The following TASOR variants were observed in gnomAD, a reference collection of about 807,000 sequenced individuals.
TASOR encodes the protein protein TASOR.
A neutral mutation model predicts 178.6 loss-of-function variants in TASOR; 53 were observed. The observed-to-expected ratio is 0.30, with a 90% CI of 0.24 to 0.37. The LOEUF is 0.37. Ranked by LOEUF, TASOR falls within the 10% of genes least tolerant of loss-of-function variation. TASOR has a pLI of 1.00. For synonymous variants in TASOR, 713 were observed against 696.2 expected, an observed-to-expected ratio of 1.02 and a Z score of -0.38; for missense variants, 1,815 against 1,971.4, an observed-to-expected ratio of 0.92 and a Z score of 1.50.
At chr3:56,628,666 C>T (rs190692780) in intron 18 of TASOR, 52 bp from the exon 19 acceptor site, 3 of 1,216,094 alleles carry the variant, frequency 2.5e-6, no homozygotes, top group Non-Finnish European at 3.5e-6. Flanking sequence ...TTGTAAACAT[C>T]AATTTAACAC....
chr3:56,643,682 G>A (rs2077174804), intron 14 of TASOR, among the ~76,000 whole-genome samples: 2 of 151,742 alleles, frequency 1.3e-5, no homozygotes, highest in South Asian at 4.2e-4. Flanking sequence ...GAGAACCAGG[G>A]AGGCGGAGCT....
intron 1 of TASOR, among the ~76,000 whole-genome samples, chr3:56,680,715 A>G (rs1349277416): frequency 1.3e-5 from 2 of 152,140 alleles, no homozygotes; most frequent in Non-Finnish European, 2.9e-5. Context: ...CTATTTTACT[A>G]TTTGAACAGC....
intron 1 of TASOR, among the ~76,000 whole-genome samples, chr3:56,677,033 T>C (rs1046121478): frequency 1.3e-5 from 2 of 152,348 alleles, no homozygotes; most frequent in Non-Finnish European, 2.9e-5. Context: ...AATAAAATTA[T>C]CCTGCAACTA....
At chr3:56,642,494 T>C (rs2077145377) in intron 14 of TASOR, among the ~76,000 whole-genome samples, 1 of 152,176 alleles carries the variant, frequency 6.6e-6, no homozygotes. Context: ...AAGCCTGAGT[T>C]AGGATTTCAA....
chr3:56,623,142 A>G lies in TASOR; in HGVS notation c.4908T>C (p.Asn1636=). Residue 1636 remains asparagine (N), a synonymous_variant, in exon 24 of 24, where the codon AAT becomes AAC. Coordinates refer to ENST00000683822, the MANE Select transcript of TASOR (RefSeq NM_001365635.2). ...TTTCAGTATAAGCAGATAAGAAGTA[A>G]TTCTCATTTTCTTGAGACTGACTTG... ...LSSSQSQENE[N]YFLSAYTESL... 1.2e-6 allele frequency: 2 copies of G among 1,613,780 alleles called. No homozygotes were observed. Among genetic ancestry groups the G allele is most frequent in the Non-Finnish European group, 1.7e-6 (2 of 1,179,780 alleles).
At chr3:56,669,286 G>C (rs1026661756) in intron 5 of TASOR, among the ~76,000 whole-genome samples, 2 of 152,068 alleles carry the variant, frequency 1.3e-5, no homozygotes, top group Non-Finnish European at 2.9e-5. Context: ...GGTGGATCAC[G>C]AAGTCAGGAG....
intron 1 of TASOR, among the ~76,000 whole-genome samples, chr3:56,681,488 C>T (rs2031776623): frequency 6.6e-6 from 1 of 152,120 alleles, no homozygotes; most frequent in Non-Finnish European, 1.5e-5. Context: ...GCCATCCAAA[C>T]AAATGAACTT....
intron 8 of TASOR, 114 bp from the exon 9 acceptor site, chr3:56,662,604 G>C (rs1443522948): frequency 6.0e-6 from 3 of 501,474 alleles, no homozygotes; most frequent in Non-Finnish European, 1.1e-5. Context: ...TAAGTAGGAG[G>C]GCAAAAAAAA....
At chr3:56,625,938 T>G (rs1281502711) in intron 21 of TASOR, among the ~76,000 whole-genome samples, 1 of 152,186 alleles carries the variant, frequency 6.6e-6, no homozygotes, top group East Asian at 1.9e-4. Context: ...AAGCTGTTTC[T>G]ATATTGCAAG....
At chr3:56,641,255 T>G in intron 15 of TASOR, 94 bp downstream of exon 15, 1 of 1,309,428 alleles carries the variant, frequency 7.6e-7, no homozygotes, top group Non-Finnish European at 1.0e-6. Context: ...TATTTCTTTT[T>G]CAAAGAAAAA....
chr3:56,649,440 T>C (rs767747926), intron 11 of TASOR, among the ~76,000 whole-genome samples: 1 of 152,226 alleles, frequency 6.6e-6, no homozygotes, highest in Non-Finnish European at 1.5e-5. Context: ...AAAACATGCT[T>C]TGAAACACTG....
intron 23 of TASOR, 74 bp from the exon 24 acceptor site, chr3:56,623,640 TCA>T (rs1407165858): frequency 6.5e-7 from 1 of 1,543,272 alleles, no homozygotes; most frequent in African/African-American, 1.4e-5. Context: ...TATACACTAC[TCA>T]CACAATATAA....
chr3:56,649,312 C>T (rs1211229083), intron 11 of TASOR, among the ~76,000 whole-genome samples: 5 of 152,030 alleles, frequency 3.3e-5, no homozygotes. Flanking sequence ...ACTGCAAAAC[C>T]ACGTTAATTT....
At position 56,637,528 on chromosome 3, in the gene TASOR, A is replaced by G. The variant is rs996602394; in HGVS notation, c.2824+1178T>C. ...AGAGAGAGATTCTGTATCAGAGGGG[A>G]AAAAAAAAAAGATTTGTGAACTTTC... On this transcript the variant is annotated intron_variant, in intron 17 of 23. Transcript: ENST00000683822. Among the ~76,000 whole-genome samples the G allele has an allele frequency of 2.5e-4, 36 of 146,248 alleles. 1 individual carries two copies. Among genetic ancestry groups the G allele is most frequent in the South Asian group, 4.9e-4 (2 of 4,120 alleles).
At chr3:56,662,550 C>A in intron 8 of TASOR, 60 bp from the exon 9 acceptor site, 2 of 736,762 alleles carry the variant, frequency 2.7e-6, no homozygotes, top group Non-Finnish European at 2.1e-6. Flanking sequence ...GAAGTGAGTG[C>A]ACATTTATTA....
rs945588160 is a variant in TASOR, at chr3:56,630,671, C to G, written c.3748-2057G>C. ...CCAGCCTGGCCAACATGGTGAAACC[C>G]TGTCTCTACTAAAAATACAAAAAAT... On this transcript the variant is annotated intron_variant, in intron 18 of 23. Coordinates refer to ENST00000683822, the MANE Select transcript of TASOR (RefSeq NM_001365635.2). Among the ~76,000 whole-genome samples, 6 of 152,180 alleles carry G rather than the reference C, an allele frequency of 3.9e-5. No homozygotes were observed. In the East Asian group the frequency reaches 5.8e-4, roughly 15 times the overall value.
At chr3:56,650,807 C>T (rs898601394) in intron 11 of TASOR, among the ~76,000 whole-genome samples, 1 of 152,148 alleles carries the variant, frequency 6.6e-6, no homozygotes, top group African/African-American at 2.4e-5. Flanking sequence ...CCATTTATAG[C>T]CACGCTAAGT....
intron 23 of TASOR, chr3:56,623,910 T>C: frequency 1.6e-6 from 2 of 1,270,338 alleles, no homozygotes; most frequent in Non-Finnish European, 2.2e-6. Context: ...GACATCTAGC[T>C]TCACTGGATT....
intron 1 of TASOR, among the ~76,000 whole-genome samples, chr3:56,675,279 C>T (rs2031186730): frequency 6.6e-6 from 1 of 151,912 alleles, no homozygotes; most frequent in South Asian, 2.1e-4. Flanking sequence ...CAGGTTCAAG[C>T]GATTCTCCTG....
Sources: allele counts gnomAD v4.1 joint callset (sites outside exome capture counted in the v4.1 genomes callset), GRCh38; gene constraint gnomAD v4.1.1; transcripts MANE v1.5; gene names NCBI Gene and HGNC (gene_info 2026-07-23, HGNC 2026-07-21).